The following IFNLR1 variants were observed in gnomAD, a reference collection of about 807,000 sequenced individuals.
IFNLR1 encodes the protein interferon lambda receptor 1.
A neutral mutation model predicts 52.5 loss-of-function variants in IFNLR1; 28 were observed. That is an observed-to-expected ratio of 0.53 (90% CI 0.40 to 0.73). IFNLR1 has a LOEUF of 0.73. Among genes scored for constraint, IFNLR1 ranks in the 30% least tolerant of loss-of-function variants. IFNLR1 has a pLI of 0.00. For missense variants in IFNLR1, 623 were observed against 659.1 expected, an observed-to-expected ratio of 0.95 and a Z score of 0.60; for synonymous variants, 276 against 274.9, an observed-to-expected ratio of 1.00 and a Z score of -0.04.
At chr1:24,183,054 C>T (rs890641715) in intron 1 of IFNLR1, among the ~76,000 whole-genome samples, 1 of 152,084 alleles carries the variant, frequency 6.6e-6, no homozygotes, top group Non-Finnish European at 1.5e-5. Context: ...TATTACTGAA[C>T]GAATATATTG....
At chr1:24,187,160 C>G (rs759507969) in intron 1 of IFNLR1, 31 bp downstream of exon 1, 1 of 1,343,554 alleles carries the variant, frequency 7.4e-7, no homozygotes, top group African/African-American at 1.5e-5. Context: ...GAGCCCTCTT[C>G]CCCCTCCCTC....
At chr1:24,177,105 G>A (rs1274943087) in intron 2 of IFNLR1, among the ~76,000 whole-genome samples, 3 of 152,270 alleles carry the variant, frequency 2.0e-5, no homozygotes, top group South Asian at 2.1e-4. Flanking sequence ...CAGAATGAAT[G>A]AGCAATACCA....
intron 1 of IFNLR1, among the ~76,000 whole-genome samples, chr1:24,184,662 T>C (rs1644720343): frequency 6.6e-6 from 1 of 152,158 alleles, no homozygotes; most frequent in Non-Finnish European, 1.5e-5. Flanking sequence ...TGTCACTTCC[T>C]CCAGGGAATC....
At chr1:24,159,729 T>TTG (rs1274289967) in intron 4 of IFNLR1, 96 bp from the exon 5 acceptor site, 3 of 971,174 alleles carry the variant, frequency 3.1e-6, no homozygotes, top group South Asian at 1.8e-5. Context: ...GTAGGGTGTT[T>TTG]TTTTTTTGTT....
chr1:24,180,126 G>A (rs896949356), intron 2 of IFNLR1, among the ~76,000 whole-genome samples: 7 of 151,962 alleles, frequency 4.6e-5, no homozygotes, highest in Non-Finnish European at 8.8e-5. Context: ...GAGAAACCTC[G>A]TCTGTATTAA....
chr1:24,166,176 C>CCCATACAT (rs1644517126), intron 3 of IFNLR1, among the ~76,000 whole-genome samples: 4 of 149,352 alleles, frequency 2.7e-5, no homozygotes, highest in African/African-American at 9.9e-5. Flanking sequence ...TCCTTTCCTT[C>CCCATACAT]CCATCCATCC....
rs781590947 is a variant in IFNLR1 at position 24,159,488 on chromosome 1, A to C, written c.656T>G (p.Leu219Trp). ...TTGATACCCACCTGGGACCTCCAGCAAGAAGCAGGTGGGCTTAGAGAACTT... is the reference window on the plus strand; with the variant it reads ...TTGATACCCACCTGGGACCTCCAGCCAGAAGCAGGTGGGCTTAGAGAACTT... ...YSKFSKPTCF[L>W]LEVPEANWAF... Residue 219 changes from leucine (L) to tryptophan (W), a missense_variant, in exon 5 of 7, where the codon TTG (leucine) becomes TGG (tryptophan). Leu to Trp is a moderately conservative substitution (Grantham distance 61). Transcript: ENST00000327535. The C allele has an allele frequency of 6.2e-7, 1 of 1,614,204 alleles. No homozygotes were observed. Among genetic ancestry groups the C allele is most frequent in the Admixed American group, 1.7e-5 (1 of 60,022 alleles).
At chr1:24,160,596 C>T (rs556550341) in intron 4 of IFNLR1, among the ~76,000 whole-genome samples, 19 of 152,158 alleles carry the variant, frequency 1.2e-4, no homozygotes, top group South Asian at 4.1e-4. Flanking sequence ...ACGCTGGATT[C>T]GGATCTATAT....
chr1:24,177,876 T>C (rs1644650479), intron 2 of IFNLR1, among the ~76,000 whole-genome samples: 1 of 152,178 alleles, frequency 6.6e-6, no homozygotes, highest in South Asian at 2.1e-4. Context: ...AACAGGATTC[T>C]CAGTGTGAAA....
intron 3 of IFNLR1, among the ~76,000 whole-genome samples, chr1:24,168,590 GAA>G (rs200583578): frequency 1.6e-4 from 23 of 141,784 alleles, no homozygotes; most frequent in African/African-American, 5.4e-4. Flanking sequence ...AAAATAGACT[GAA>G]AAAAAAAAAG....
At chr1:24,185,221 C>T (rs1174239144) in intron 1 of IFNLR1, among the ~76,000 whole-genome samples, 1 of 152,050 alleles carries the variant, frequency 6.6e-6, no homozygotes, top group Non-Finnish European at 1.5e-5. Flanking sequence ...GTTGTAGAAT[C>T]AGATTCAGTC....
chr1:24,180,693 CAG>C, intron 2 of IFNLR1, 36 bp downstream of exon 2: 2 of 1,409,328 alleles, frequency 1.4e-6, no homozygotes, highest in Non-Finnish European at 2.0e-6. Flanking sequence ...CCCACCCCCT[CAG>C]TCTTCCCATC....
At chr1:24,185,383 C>T (rs987647157) in intron 1 of IFNLR1, among the ~76,000 whole-genome samples, 3 of 152,142 alleles carry the variant, frequency 2.0e-5, no homozygotes, top group Non-Finnish European at 1.5e-5. Context: ...CCAGGGGTTT[C>T]AAAGAAGAAC....
Position 24,156,356 on chromosome 1 carries a change from C to G in IFNLR1, c.*774G>C, listed in dbSNP as rs536433715. 1 of 152,378 alleles carries G rather than the reference C, an allele frequency of 6.6e-6. No homozygotes were observed. Among genetic ancestry groups the G allele is most frequent in the Non-Finnish European group, 1.5e-5 (1 of 68,216 alleles). 9.4% of individuals were successfully genotyped at this position (152,378 alleles called of 1,614,324 possible). The stretch of plus-strand genomic sequence containing the variant: ...AGATGGAGAATTCTACCGGCCACCA[C>G]GTAGAGAGCACCCAGGACACAGCAG... On this transcript the variant is annotated 3_prime_UTR_variant, in exon 7 of 7. Transcript: ENST00000327535.
At chr1:24,174,203 G>A (rs1569677344) in intron 2 of IFNLR1, among the ~76,000 whole-genome samples, 1 of 152,306 alleles carries the variant, frequency 6.6e-6, no homozygotes, top group Non-Finnish European at 1.5e-5. Flanking sequence ...CAAGGAGAGA[G>A]GCTTCAGGAG....
At chr1:24,168,104 C>T (rs1644538404) in intron 3 of IFNLR1, among the ~76,000 whole-genome samples, 1 of 152,084 alleles carries the variant, frequency 6.6e-6, no homozygotes, top group Non-Finnish European at 1.5e-5. Context: ...ATATTTCCTT[C>T]CTAATAGGCA....
intron 2 of IFNLR1, among the ~76,000 whole-genome samples, chr1:24,173,066 A>G (rs1004986087): frequency 1.3e-5 from 2 of 151,560 alleles, no homozygotes; most frequent in East Asian, 3.9e-4. Flanking sequence ...GGGGTAGAGT[A>G]TAATTCAGTC....
rs370146160 is a variant in IFNLR1, at chr1:24,178,560, A to G, written c.182+2171T>C. Reference sequence around the variant, plus strand: ...TTAACTTGACCACTAGGGTCAAGTTAAAAGGACTCAGGAGCAAACTTGATG... The same window carrying G: ...TTAACTTGACCACTAGGGTCAAGTTGAAAGGACTCAGGAGCAAACTTGATG... On this transcript the variant is annotated intron_variant, in intron 2 of 6. Transcript: ENST00000327535. 2.6e-5 allele frequency among the ~76,000 whole-genome samples: 4 copies of G among 152,290 alleles called. No homozygotes were observed. In the East Asian group the frequency reaches 7.7e-4, roughly 29 times the overall value.
chr1:24,184,434 A>G (rs1367067962), intron 1 of IFNLR1, among the ~76,000 whole-genome samples: 1 of 152,018 alleles, frequency 6.6e-6, no homozygotes, highest in Non-Finnish European at 1.5e-5. Flanking sequence ...TAAAGTCCAC[A>G]TTTGTTATTG....
Sources: gnomAD v4.1 joint callset for allele counts (sites outside exome capture counted in the v4.1 genomes callset) on GRCh38, gnomAD v4.1.1 for gene constraint, MANE v1.5 for transcripts, NCBI Gene and HGNC (gene_info 2026-07-23, HGNC 2026-07-21) for gene names.